The following UQCC1 variants were observed in gnomAD, a reference collection of about 807,000 sequenced individuals.
The protein encoded by UQCC1 is ubiquinol-cytochrome c reductase complex assembly factor 1.
UQCC1 carries 38 observed loss-of-function variants against 48.0 expected under a neutral mutation model. The observed-to-expected ratio is 0.79, with a 90% confidence interval of 0.61 to 1.04. The LOEUF (loss-of-function observed/expected upper bound fraction) is 1.04, where lower values mean the gene tolerates loss of function less well. Among genes scored for constraint, UQCC1 ranks in the 50% least tolerant of loss-of-function variants. The probability of loss-of-function intolerance (pLI) is 0.00; values close to 1 mark genes in which losing one functional copy is unlikely to be tolerated. For missense variants in UQCC1, 368 were observed against 381.8 expected (o/e 0.96, Z 0.30); for synonymous variants, 111 against 129.2 (o/e 0.86, Z 0.95).
At chr20:35,396,284 CTTTTT>C (rs34830667) in intron 1 of UQCC1, among the ~76,000 whole-genome samples, 2 of 94,406 alleles carry the variant, frequency 2.1e-5, no homozygotes, top group Non-Finnish European at 4.0e-5. Flanking sequence ...TGTGCCTGGC[CTTTTT>C]TTTTTTTTTT....
intron 7 of UQCC1, among the ~76,000 whole-genome samples, chr20:35,317,846 C>T (rs1054033953): frequency 3.3e-5 from 5 of 152,212 alleles, no homozygotes. Flanking sequence ...CCTTTCTTTC[C>T]CCCTGTTGAA....
intron 2 of UQCC1, among the ~76,000 whole-genome samples, chr20:35,387,373 G>A (rs2146497707): frequency 6.6e-6 from 1 of 152,278 alleles, no homozygotes; most frequent in South Asian, 2.1e-4. Context: ...AGCGATTCTT[G>A]AATACCATGG....
chr20:35,372,372 A>C (rs777556172), intron 5 of UQCC1, among the ~76,000 whole-genome samples: 29 of 152,262 alleles, frequency 1.9e-4, no homozygotes, highest in Non-Finnish European at 2.2e-4. Context: ...CAGATAGAGA[A>C]AAAATATTTT....
At chr20:35,321,607 T>C (rs1053188798) in intron 7 of UQCC1, among the ~76,000 whole-genome samples, 2 of 152,146 alleles carry the variant, frequency 1.3e-5, no homozygotes, top group African/African-American at 4.8e-5. Context: ...ATAATCCCCA[T>C]GCTTTGTGAG....
intron 4 of UQCC1, among the ~76,000 whole-genome samples, chr20:35,379,463 T>TAC (rs1307659606): frequency 6.6e-6 from 1 of 152,248 alleles, no homozygotes; most frequent in Non-Finnish European, 1.5e-5. Flanking sequence ...ACATCTCAAT[T>TAC]ACACTAGAAT....
chr20:35,356,909 C>CT (rs1449697116), intron 6 of UQCC1, among the ~76,000 whole-genome samples: 2 of 152,110 alleles, frequency 1.3e-5, no homozygotes, highest in Non-Finnish European at 2.9e-5. Context: ...AGAGTAACTG[C>CT]TAGCAGCCTA....
At chr20:35,353,043 G>T (rs1439504461) in intron 6 of UQCC1, among the ~76,000 whole-genome samples, 1 of 151,956 alleles carries the variant, frequency 6.6e-6, no homozygotes, top group East Asian at 1.9e-4. Flanking sequence ...CAGAAAAAAG[G>T]TTACAGAATA....
At chr20:35,408,088 T>G (rs1191489295) in intron 1 of UQCC1, among the ~76,000 whole-genome samples, 1 of 151,986 alleles carries the variant, frequency 6.6e-6, no homozygotes, top group East Asian at 1.9e-4. Context: ...AAATCAATAA[T>G]ACAATGAGAC....
chr20:35,336,500 G>A (rs1457151668), intron 7 of UQCC1, among the ~76,000 whole-genome samples: 1 of 152,170 alleles, frequency 6.6e-6, no homozygotes. Context: ...AAGGCAACAT[G>A]ACTACAGAGG....
At chr20:35,352,662 G>C (rs1236220172) in intron 6 of UQCC1, among the ~76,000 whole-genome samples, 1 of 149,710 alleles carries the variant, frequency 6.7e-6, no homozygotes, top group Non-Finnish European at 1.5e-5. Flanking sequence ...CTAGGCTAAT[G>C]TGAGTGTTTG....
chr20:35,341,935 A>G (rs998128475), intron 7 of UQCC1, among the ~76,000 whole-genome samples: 62 of 152,164 alleles, frequency 4.1e-4, no homozygotes, highest in African/African-American at 1.4e-3. Flanking sequence ...TTCAAGAAGA[A>G]CTAGAGGAAA....
chr20:35,400,924 G>GGCC (rs2146532597), intron 1 of UQCC1, among the ~76,000 whole-genome samples: 1 of 152,186 alleles, frequency 6.6e-6, no homozygotes, highest in African/African-American at 2.4e-5. Flanking sequence ...CCTTTAATCA[G>GGCC]TCCACTGACA....
Position 35,314,594 on chromosome 20 carries a change from A to G in UQCC1, c.651+94T>C, listed in dbSNP as rs914326840. 46 of 1,001,536 alleles carry G rather than the reference A, an allele frequency of 4.6e-5. No individual in the cohort carries two copies. The Admixed American group carries it at 9.3e-4, about 20-fold the overall frequency. 62.0% of individuals were successfully genotyped at this position (1,001,536 alleles called of 1,614,324 possible). A position where few individuals can be genotyped will look rare whatever the true frequency, so the allele number is the denominator to read the frequency against. On this transcript the variant is annotated intron_variant, in intron 8 of 9. Coordinates refer to ENST00000374385, the MANE Select transcript of UQCC1 (RefSeq NM_018244.5). ...TACTACGCCATGGTGGTAGCCAGTA[A>G]CAATGGTCCCTGTGGCTTCCCTCAG...
chr20:35,406,874 T>C lies in UQCC1; in HGVS notation c.24+5066A>G, dbSNP rs145154251. On this transcript the variant is annotated intron_variant, in intron 1 of 9. Coordinates refer to ENST00000374385, the MANE Select transcript of UQCC1 (RefSeq NM_018244.5). ...ACAGAGCTATATAGAAAGAAAGTCT[T>C]TACATATTACTGAAATGAAGTTCGT... is the stretch of plus-strand genomic sequence containing the variant. 5.4e-4 allele frequency among the ~76,000 whole-genome samples: 83 copies of C among 152,314 alleles called. 1 individual carries two copies. The highest frequency in any genetic ancestry group is 1.7e-3 in the African/African-American group (72 of 41,580).
At chr20:35,395,471 T>C (rs1229619818) in intron 1 of UQCC1, among the ~76,000 whole-genome samples, 1 of 148,766 alleles carries the variant, frequency 6.7e-6, no homozygotes, top group Non-Finnish European at 1.5e-5. Flanking sequence ...AAAAAACCCA[T>C]AAACTCATGT....
At chr20:35,400,563 T>C (rs1033356370) in intron 1 of UQCC1, among the ~76,000 whole-genome samples, 1 of 151,496 alleles carries the variant, frequency 6.6e-6, no homozygotes, top group African/African-American at 2.4e-5. Context: ...TGGTGGGATC[T>C]CAGCTCACTG....
At chr20:35,356,778 C>T (rs2061551474) in intron 6 of UQCC1, among the ~76,000 whole-genome samples, 2 of 152,110 alleles carry the variant, frequency 1.3e-5, no homozygotes, top group Non-Finnish European at 2.9e-5. Context: ...ATCTATTGAC[C>T]CTATTTTTCA....
chr20:35,378,873 T>C (rs963517181), intron 4 of UQCC1, among the ~76,000 whole-genome samples: 2 of 152,344 alleles, frequency 1.3e-5, no homozygotes, highest in East Asian at 3.9e-4. Context: ...CCCACTGGAA[T>C]ACCTTCTTTT....
chr20:35,356,325 T>C (rs1412619402), intron 6 of UQCC1, among the ~76,000 whole-genome samples: 4 of 152,250 alleles, frequency 2.6e-5, no homozygotes, highest in Non-Finnish European at 4.4e-5. Context: ...ACACCAGAGA[T>C]AATAGATTAC....
Sources: gnomAD v4.1 joint callset for allele counts (sites outside exome capture counted in the v4.1 genomes callset) on GRCh38, gnomAD v4.1.1 for gene constraint, MANE v1.5 for transcripts, NCBI Gene and HGNC (gene_info 2026-07-23, HGNC 2026-07-21) for gene names.